Variants in MPP4 observed in about 807,000 individuals in gnomAD.
MPP4 encodes the protein MAGUK p55 subfamily member 4.
A neutral mutation model predicts 98.3 loss-of-function variants in MPP4; 91 were observed. The ratio of observed to expected loss-of-function variants is 0.93; its 90% CI spans 0.78 to 1.10. MPP4 has a LOEUF of 1.10. Ranked by LOEUF, MPP4 falls within the 50% of genes least tolerant of loss-of-function variation. The pLI is 0.00. For missense variants in MPP4, 744 were observed against 792.9 expected, an observed-to-expected ratio of 0.94 and a Z score of 0.74; for synonymous variants, 261 against 271.8, an observed-to-expected ratio of 0.96 and a Z score of 0.39.
At chr2:201,695,902 A>G (rs983475114) in intron 1 of MPP4, among the ~76,000 whole-genome samples, 7 of 152,210 alleles carry the variant, frequency 4.6e-5, no homozygotes, top group African/African-American at 1.4e-4. Context: ...GTAGGACAAT[A>G]AAGAATACAT....
At chr2:201,671,797 T>C (rs748988230) in intron 11 of MPP4, among the ~76,000 whole-genome samples, 2 of 152,124 alleles carry the variant, frequency 1.3e-5, no homozygotes, top group Non-Finnish European at 2.9e-5. Flanking sequence ...CACACAATAA[T>C]AGGGGAAGCC....
intron 11 of MPP4, among the ~76,000 whole-genome samples, chr2:201,671,188 C>A (rs946040221): frequency 1.3e-5 from 2 of 152,064 alleles, no homozygotes; most frequent in African/African-American, 4.8e-5. Context: ...TTTCATACCC[C>A]AGTGGCGCCT....
intron 1 of MPP4, among the ~76,000 whole-genome samples, chr2:201,695,214 A>G (rs753481005): frequency 5.3e-5 from 8 of 152,216 alleles, no homozygotes; most frequent in Non-Finnish European, 1.2e-4. Context: ...CTGCTCCAAG[A>G]TGGCAGCTGC....
chr2:201,652,722 AGT>A (rs1206436812), intron 18 of MPP4, among the ~76,000 whole-genome samples: 1 of 152,164 alleles, frequency 6.6e-6, no homozygotes, highest in Non-Finnish European at 1.5e-5. Context: ...GCCAGACGAG[AGT>A]ATGAGTCACT....
At chr2:201,662,012 G>T in intron 14 of MPP4, 1 of 350,548 alleles carries the variant, frequency 2.9e-6, no homozygotes. Flanking sequence ...ACGGAAAATA[G>T]GAAATTTTGA....
chr2:201,678,431 CCTTT>C (rs956877871), intron 10 of MPP4, among the ~76,000 whole-genome samples: 7 of 152,146 alleles, frequency 4.6e-5, no homozygotes, highest in African/African-American at 1.7e-4. Context: ...TTCTTTGAGC[CCTTT>C]CTTCTTGCTT....
intron 18 of MPP4, chr2:201,650,897 T>A: frequency 1.0e-6 from 1 of 985,442 alleles, no homozygotes; most frequent in Non-Finnish European, 1.2e-6. Flanking sequence ...TCAACTTAAA[T>A]AGTGCCAGGT....
intron 11 of MPP4, among the ~76,000 whole-genome samples, chr2:201,671,173 T>G (rs939250246): frequency 1.3e-5 from 2 of 151,516 alleles, no homozygotes; most frequent in Non-Finnish European, 2.9e-5. Flanking sequence ...AGTTTGTTTG[T>G]TTTTTTTCAT....
chr2:201,670,960 G>A (rs1043544285), intron 11 of MPP4, among the ~76,000 whole-genome samples: 35 of 152,172 alleles, frequency 2.3e-4, no homozygotes, highest in African/African-American at 8.4e-4. Context: ...AAAGGGGTCG[G>A]GGAACTCCCT....
chr2:201,672,924 T>A (rs1197818763), intron 11 of MPP4, among the ~76,000 whole-genome samples: 1 of 152,054 alleles, frequency 6.6e-6, no homozygotes, highest in Admixed American at 6.6e-5. Context: ...ACAAAAAAAA[T>A]TTCAGGCCAA....
intron 18 of MPP4, among the ~76,000 whole-genome samples, chr2:201,653,957 C>G (rs574389734): frequency 1.3e-5 from 2 of 151,426 alleles, no homozygotes; most frequent in Non-Finnish European, 2.9e-5. Context: ...AAAGGAGTTA[C>G]GAGTAAAAGG....
intron 5 of MPP4, 98 bp downstream of exon 5, chr2:201,687,193 C>G: frequency 1.0e-6 from 1 of 993,500 alleles, no homozygotes; most frequent in Non-Finnish European, 1.5e-6. Context: ...AATAGAACAT[C>G]TATTCAGAGA....
At chr2:201,661,297 A>C (rs545610054) in intron 14 of MPP4, among the ~76,000 whole-genome samples, 50 of 151,852 alleles carry the variant, frequency 3.3e-4, no homozygotes, top group Admixed American at 1.2e-3. Context: ...AAATTCAAGG[A>C]AGTCATACTA....
chr2:201,654,812 A>G (rs1164329561), intron 18 of MPP4, 25 bp downstream of exon 18: 2 of 1,556,720 alleles, frequency 1.3e-6, no homozygotes, highest in South Asian at 2.4e-5. Context: ...AACACAAACC[A>G]TTATGAAAGC....
chr2:201,655,978 C>A lies in MPP4; in HGVS notation c.1300+220G>T, dbSNP rs115182511. On this transcript the variant is annotated intron_variant, in intron 17 of 21. Transcript: ENST00000409474. ...ATACTGGTTATATAGTTCATGGACA[C>A]CATGTCATAACACATTCACTTGTAG... 2.2e-3 allele frequency among the ~76,000 whole-genome samples: 333 copies of A among 152,218 alleles called. 3 individuals are homozygous for A. The highest frequency in any genetic ancestry group is 7.5e-3 in the African/African-American group (313 of 41,530).
intron 16 of MPP4, among the ~76,000 whole-genome samples, chr2:201,656,807 C>A (rs1192188704): frequency 6.6e-6 from 1 of 152,150 alleles, no homozygotes; most frequent in Non-Finnish European, 1.5e-5. Flanking sequence ...AGGCAGGGAG[C>A]CACATCAGGA....
chr2:201,683,367 T>A lies in MPP4; in HGVS notation c.575-451A>T, dbSNP rs73989537. 4.3e-4 allele frequency among the ~76,000 whole-genome samples: 65 copies of A among 152,028 alleles called. 1 individual carries two copies. The highest frequency in any genetic ancestry group is 1.4e-3 in the African/African-American group (59 of 41,458). The stretch of plus-strand genomic sequence containing the variant: ...GTTGTCAGATAGTTGAGAGAAGAAG[T>A]GGAATGGTGTTATAGAACAGAAACG... On this transcript the variant is annotated intron_variant, in intron 7 of 21. Coordinates refer to ENST00000409474, the MANE Select transcript of MPP4 (RefSeq NM_033066.3).
intron 3 of MPP4, among the ~76,000 whole-genome samples, chr2:201,690,694 C>A (rs1214740535): frequency 6.6e-6 from 1 of 152,150 alleles, no homozygotes. Flanking sequence ...GGCGCCTGTG[C>A]AGCATGTGAG....
intron 14 of MPP4, among the ~76,000 whole-genome samples, chr2:201,661,016 G>A (rs1041845066): frequency 3.3e-5 from 5 of 152,156 alleles, no homozygotes; most frequent in Non-Finnish European, 7.3e-5. Flanking sequence ...TGTCTCCCAA[G>A]TTCAAGCAAT....
Sources: gnomAD v4.1 joint callset for allele counts (sites outside exome capture counted in the v4.1 genomes callset) on GRCh38, gnomAD v4.1.1 for gene constraint, MANE v1.5 for transcripts, NCBI Gene and HGNC (gene_info 2026-07-23, HGNC 2026-07-21) for gene names.